The following PCBP3 variants were observed in gnomAD, a reference collection of about 807,000 sequenced individuals.
PCBP3 encodes poly(rC)-binding protein 3.
A neutral mutation model predicts 52.7 loss-of-function variants in PCBP3; 25 were observed. The observed-to-expected ratio is 0.47, with a 90% CI of 0.35 to 0.66. The LOEUF (loss-of-function observed/expected upper bound fraction) is 0.66. PCBP3 is among the 30% of genes least tolerant of loss of function. PCBP3 has a pLI of 0.01. For missense variants in PCBP3, 391 were observed against 490.3 expected (o/e 0.80, Z 1.91); for synonymous variants, 162 against 183.0 (o/e 0.89, Z 0.93).
chr21:45,768,642 T>G lies in PCBP3; in HGVS notation c.-126+13190T>G, dbSNP rs570666076. ...TAAATTTGTTGAGCAAAGGAAACAC[T>G]GAAGAGGACTCAGAACACTCCAGTT... On this transcript the variant is annotated intron_variant, in intron 4 of 17. Transcript: ENST00000681687. Among the ~76,000 whole-genome samples, 20 of 152,370 alleles carry G rather than the reference T, an allele frequency of 1.3e-4. No homozygotes were observed. The East Asian group carries it at 3.5e-3, about 26-fold the overall frequency.
At chr21:45,803,754 G>T (rs1207538387) in intron 4 of PCBP3, among the ~76,000 whole-genome samples, 1 of 152,168 alleles carries the variant, frequency 6.6e-6, no homozygotes, top group Non-Finnish European at 1.5e-5. Flanking sequence ...AGAGGCCCCT[G>T]AGCTTCTCCA....
At chr21:45,729,516 A>C (rs2085300829) in intron 2 of PCBP3, among the ~76,000 whole-genome samples, 1 of 152,108 alleles carries the variant, frequency 6.6e-6, no homozygotes, top group Non-Finnish European at 1.5e-5. Context: ...TCCACCAGCG[A>C]TGTATGAGGT....
In PCBP3 at chr21:45,741,339, G is replaced by C. The variant is rs1204981694; in HGVS notation, c.-162+5910G>C. On this transcript the variant is annotated intron_variant, in intron 3 of 17. Transcript: ENST00000681687. This position sits in a 1 kb window ranked among gnomAD's most constrained non-coding sequence, Gnocchi z 4.5. Reference sequence around the variant, plus strand: ...GAGAAGCAGAAACATTGTGCAAGAAGGGAGCTGCAGCATCAGGTGTGGGTA... The same window carrying C: ...GAGAAGCAGAAACATTGTGCAAGAACGGAGCTGCAGCATCAGGTGTGGGTA... Among the ~76,000 whole-genome samples, 2 of 152,200 alleles carry C rather than the reference G, an allele frequency of 1.3e-5. No homozygotes were observed. The highest frequency in any genetic ancestry group is 4.8e-5 in the African/African-American group (2 of 41,462).
rs978765755 is a variant in PCBP3 at position 45,821,246 on chromosome 21, G to A, written c.-125-28715G>A. 1.3e-5 allele frequency among the ~76,000 whole-genome samples: 2 copies of A among 151,358 alleles called. No individual in the cohort carries two copies. Among genetic ancestry groups the A allele is most frequent in the Admixed American group, 6.6e-5 (1 of 15,208 alleles). On this transcript the variant is annotated intron_variant, in intron 4 of 17. Coordinates refer to ENST00000681687, the MANE Select transcript of PCBP3 (RefSeq NM_001384156.1). The surrounding 1 kb of genome is among the most constrained non-coding windows in gnomAD (Gnocchi z 4.4). ...CAGCCTCTCCCTAATCCTGGATTCC[G>A]CAGGGGCTCCAAGACCCTCAGGGTC...
intron 4 of PCBP3, among the ~76,000 whole-genome samples, chr21:45,783,222 C>CTGAG (rs1331760842): frequency 2.0e-5 from 3 of 152,176 alleles, no homozygotes; most frequent in African/African-American, 7.2e-5. Context: ...ACTAATGAGG[C>CTGAG]TGAGCATCTT....
intron 1 of PCBP3, among the ~76,000 whole-genome samples, chr21:45,666,964 ATG>A (rs1395632470): frequency 1.3e-5 from 2 of 152,020 alleles, no homozygotes; most frequent in South Asian, 4.2e-4. Context: ...AGGTTATTGA[ATG>A]TATAATTTTT....
chr21:45,700,579 A>G lies in PCBP3; in HGVS notation c.-200+31627A>G, dbSNP rs549317014. Among the ~76,000 whole-genome samples the G allele has an allele frequency of 7.9e-5, 12 of 152,224 alleles. No individual in the cohort carries two copies. The East Asian group carries it at 2.3e-3, about 29-fold the overall frequency. On this transcript the variant is annotated intron_variant, in intron 2 of 17. Transcript: ENST00000681687. Reference sequence around the variant, plus strand: ...TCTGCAAGGTGCCCGCCCAGCAACAACCACCTCTCCGGTGCTAACAGACCT... The same window carrying G: ...TCTGCAAGGTGCCCGCCCAGCAACAGCCACCTCTCCGGTGCTAACAGACCT...
rs181513772 is a variant in PCBP3, at chr21:45,933,221, G to A, written c.857-2032G>A. On this transcript the variant is annotated intron_variant, in intron 15 of 17. Transcript: ENST00000681687. ...TGGGCCATGCTGTCCTGAGACGAAT[G>A]AACACCTGGGCCATGCTGTCTTGAG... 1.3e-3 allele frequency among the ~76,000 whole-genome samples: 200 copies of A among 152,120 alleles called. 1 individual carries two copies. The highest frequency in any genetic ancestry group is 4.4e-3 in the African/African-American group (181 of 41,466).
chr21:45,940,818 C>CACACTGTACCACCAGCCCCCCAGCCAGGT (rs1431305666), intron 17 of PCBP3, among the ~76,000 whole-genome samples: 7 of 152,268 alleles, frequency 4.6e-5, no homozygotes, highest in African/African-American at 1.4e-4. Context: ...CCCAGCCAGG[C>CACACTGTACCACCAGCCCCCCAGCCAGGT]ACGCTGTACC....
At chr21:45,792,181 T>C (rs9979219) in intron 4 of PCBP3, among the ~76,000 whole-genome samples, 1 of 152,266 alleles carries the variant, frequency 6.6e-6, no homozygotes, top group Non-Finnish European at 1.5e-5. Flanking sequence ...ACTAGAACTT[T>C]AAAAATTGTG....
intron 1 of PCBP3, among the ~76,000 whole-genome samples, chr21:45,663,220 A>T (rs2080534116): frequency 6.6e-6 from 1 of 152,094 alleles, no homozygotes; most frequent in South Asian, 2.1e-4. Context: ...CCCCCTGTCC[A>T]GTGAACACGT....
intron 15 of PCBP3, among the ~76,000 whole-genome samples, chr21:45,934,660 G>A (rs971594891): frequency 3.9e-5 from 6 of 152,204 alleles, no homozygotes; most frequent in Non-Finnish European, 8.8e-5. Flanking sequence ...CTATGTGCAG[G>A]GGCCTCTGGA....
intron 5 of PCBP3, among the ~76,000 whole-genome samples, chr21:45,875,697 G>A (rs900105601): frequency 5.3e-5 from 8 of 152,230 alleles, no homozygotes; most frequent in Non-Finnish European, 5.9e-5. Context: ...CCCTCCCAGT[G>A]AGCTGGGAAG....
chr21:45,702,581 ATACTT>A (rs1481540202), intron 2 of PCBP3, among the ~76,000 whole-genome samples: 1 of 152,262 alleles, frequency 6.6e-6, no homozygotes, highest in Non-Finnish European at 1.5e-5. Flanking sequence ...AATTTTAAAA[ATACTT>A]TATTGCTAAA....
At chr21:45,672,436 G>T (rs954515065) in intron 2 of PCBP3, among the ~76,000 whole-genome samples, 10 of 152,024 alleles carry the variant, frequency 6.6e-5, no homozygotes, top group Admixed American at 3.3e-4. Flanking sequence ...GCTTGTGGAA[G>T]TTTGGAGGCC....
intron 4 of PCBP3, among the ~76,000 whole-genome samples, chr21:45,841,432 C>T (rs1336605738): frequency 6.7e-6 from 1 of 148,890 alleles, no homozygotes; most frequent in East Asian, 2.0e-4. Flanking sequence ...CTAGTTGGTT[C>T]GTGAGTTCTG....
At position 45,928,455 on chromosome 21, in the gene PCBP3, G is replaced by A. The variant is rs1265948758; in HGVS notation, c.718-1462G>A. On this transcript the variant is annotated intron_variant, in intron 13 of 17. Transcript: ENST00000681687. This position sits in a 1 kb window ranked among gnomAD's most constrained non-coding sequence, Gnocchi z 4.1. ...AAGGAAGGGCCTTTATCTTGACTCT[G>A]GGTGAACTCTTAGGGGAGGGCTCCC... 6.6e-6 allele frequency among the ~76,000 whole-genome samples: 1 copy of A among 152,180 alleles called. No individual in the cohort carries two copies. The highest frequency in any genetic ancestry group is 1.5e-5 in the Non-Finnish European group (1 of 68,016).
chr21:45,935,131 C>G, intron 15 of PCBP3, 122 bp from the exon 16 acceptor site: 1 of 683,928 alleles, frequency 1.5e-6, no homozygotes, highest in Non-Finnish European at 2.6e-6. Flanking sequence ...TGTGCTGACC[C>G]TCACACTTGG....
rs191167124 is a variant in PCBP3 at position 45,926,192 on chromosome 21, C to T, written c.718-3725C>T. Among the ~76,000 whole-genome samples the T allele has an allele frequency of 2.0e-3, 302 of 152,316 alleles. 1 individual carries two copies. Among genetic ancestry groups the T allele is most frequent in the Non-Finnish European group, 2.4e-3 (165 of 68,032 alleles). On this transcript the variant is annotated intron_variant, in intron 13 of 17. Coordinates refer to ENST00000681687, the MANE Select transcript of PCBP3 (RefSeq NM_001384156.1). ...AGAGTATAGTGGAGCTGAGAAATTC[C>T]TGTTGCCTGGTGACCTTGCAGCTGA...
Sources: gnomAD v4.1 joint callset for allele counts (sites outside exome capture counted in the v4.1 genomes callset) on GRCh38, gnomAD v4.1.1 for gene constraint, Gnocchi (gnomAD v3.1) non-coding constraint, MANE v1.5 for transcripts, NCBI Gene and HGNC (gene_info 2026-07-23, HGNC 2026-07-21) for gene names.